WWOX: variants seen among roughly 807,000 people sequenced by gnomAD.
WWOX encodes WW domain containing oxidoreductase.
A neutral mutation model predicts 46.2 loss-of-function variants in WWOX; 69 were observed. The ratio of observed to expected loss-of-function variants is 1.49; its 90% CI spans 1.23 to 1.82. WWOX has a LOEUF of 1.82. Among genes scored for constraint, WWOX ranks in the 40% most tolerant of loss-of-function variants. WWOX has a pLI of 0.00. For missense variants in WWOX, 919 were observed against 542.6 expected, an observed-to-expected ratio of 1.69 and a Z score of -6.89; for synonymous variants, 359 against 202.6, an observed-to-expected ratio of 1.77 and a Z score of -6.56.
intron 8 of WWOX, among the ~76,000 whole-genome samples, chr16:79,123,093 T>C (rs1173632444): frequency 6.6e-6 from 1 of 152,200 alleles, no homozygotes; most frequent in Non-Finnish European, 1.5e-5. Flanking sequence ...TCTGGTCTTG[T>C]AATTTCTGGT....
intron 6 of WWOX, among the ~76,000 whole-genome samples, chr16:78,424,442 AT>A (rs1467023936): frequency 6.6e-6 from 1 of 152,170 alleles, no homozygotes; most frequent in East Asian, 1.9e-4. Flanking sequence ...TTTTAACAGC[AT>A]AATTTTTCCT....
chr16:78,937,187 T>C (rs1441008590), intron 8 of WWOX, among the ~76,000 whole-genome samples: 4 of 152,178 alleles, frequency 2.6e-5, no homozygotes, highest in Admixed American at 6.5e-5. Flanking sequence ...ATATGGATTT[T>C]TGGAGAGGGG....
chr16:79,032,191 A>C (rs1381785362), intron 8 of WWOX, among the ~76,000 whole-genome samples: 1 of 145,930 alleles, frequency 6.9e-6, no homozygotes. Flanking sequence ...GCCCCCACCA[A>C]ATATTTATAT....
At chr16:78,392,434 C>G (rs776267398) in intron 6 of WWOX, among the ~76,000 whole-genome samples, 3 of 152,168 alleles carry the variant, frequency 2.0e-5, no homozygotes, top group East Asian at 1.9e-4. Context: ...AGTTGGATAA[C>G]TATTTCATTA....
At chr16:78,482,938 A>T (rs16947677) in intron 8 of WWOX, among the ~76,000 whole-genome samples, 4,998 of 152,250 alleles carry the variant, frequency 0.033, 143 homozygotes, top group African/African-American at 0.077. Flanking sequence ...CTGTTCGTAG[A>T]AGTGGGCGTC....
intron 5 of WWOX, among the ~76,000 whole-genome samples, chr16:78,314,688 G>GT (rs375905643): frequency 0.22 from 19,798 of 88,280 alleles, 1,848 homozygotes; most frequent in East Asian, 0.39. Flanking sequence ...CCCTGCAGGG[G>GT]TTTTTTTTTT....
intron 8 of WWOX, among the ~76,000 whole-genome samples, chr16:79,003,449 C>G (rs975103375): frequency 2.0e-5 from 3 of 152,196 alleles, no homozygotes; most frequent in Non-Finnish European, 2.9e-5. Flanking sequence ...GTGTACCCCT[C>G]AATTTACTGG....
At chr16:79,073,754 C>G (rs890112017) in intron 8 of WWOX, among the ~76,000 whole-genome samples, 13 of 152,124 alleles carry the variant, frequency 8.5e-5, no homozygotes, top group Admixed American at 5.2e-4. Context: ...TGTCGTATCT[C>G]AGGGCTTCCG....
intron 8 of WWOX, among the ~76,000 whole-genome samples, chr16:79,063,267 C>T (rs1306902839): frequency 6.6e-6 from 1 of 152,200 alleles, no homozygotes; most frequent in Non-Finnish European, 1.5e-5. Context: ...TATGGTTACC[C>T]AGCCCAAGCC....
At chr16:78,701,888 A>G (rs2048225122) in intron 8 of WWOX, among the ~76,000 whole-genome samples, 1 of 151,232 alleles carries the variant, frequency 6.6e-6, no homozygotes, top group East Asian at 2.0e-4. Flanking sequence ...GGCCCCAGTA[A>G]TAAAAGGCAA....
intron 8 of WWOX, among the ~76,000 whole-genome samples, chr16:78,946,702 G>A (rs994196251): frequency 2.6e-5 from 4 of 152,126 alleles, no homozygotes; most frequent in African/African-American, 9.7e-5. Context: ...ACTGTGTGGT[G>A]CGTCTGTTTT....
intron 8 of WWOX, among the ~76,000 whole-genome samples, chr16:78,999,361 T>C (rs2047050525): frequency 6.6e-6 from 1 of 151,996 alleles, no homozygotes; most frequent in Non-Finnish European, 1.5e-5. Context: ...TCCCAGCTAC[T>C]CGAGAGGCTG....
chr16:78,470,618 C>G (rs2667549), intron 8 of WWOX, among the ~76,000 whole-genome samples: 19,788 of 152,178 alleles, frequency 0.13, 2,517 homozygotes, highest in African/African-American at 0.32. Flanking sequence ...AAACCTCCTC[C>G]TCCTGGATTC....
At position 79,167,376 on chromosome 16, in the gene WWOX, G is replaced by A. The variant is rs193218346; in HGVS notation, c.1057-44232G>A. 7.9e-5 allele frequency among the ~76,000 whole-genome samples: 12 copies of A among 152,254 alleles called. No individual in the cohort carries two copies. The East Asian group carries it at 1.7e-3, about 22-fold the overall frequency. Reference sequence around the variant, plus strand: ...GATTATTATATTATTCTTAGTATTTGGTTTTTTTCTGTAGTGTGTAGTTTC... The same window carrying A: ...GATTATTATATTATTCTTAGTATTTAGTTTTTTTCTGTAGTGTGTAGTTTC... On this transcript the variant is annotated intron_variant, in intron 8 of 8. Transcript: ENST00000566780.
chr16:78,215,949 A>T (rs568865358), intron 5 of WWOX, among the ~76,000 whole-genome samples: 53 of 152,052 alleles, frequency 3.5e-4, no homozygotes, highest in African/African-American at 1.2e-3. Flanking sequence ...ACAGATTAAT[A>T]CAATGATCTG....
At chr16:79,067,033 C>G (rs17726745) in intron 8 of WWOX, among the ~76,000 whole-genome samples, 2,250 of 152,194 alleles carry the variant, frequency 0.015, 32 homozygotes, top group Non-Finnish European at 0.023. Context: ...TGAAGGACGG[C>G]TCTGGAAGGG....
intron 8 of WWOX, among the ~76,000 whole-genome samples, chr16:78,831,310 AT>A (rs1210075258): frequency 6.6e-6 from 1 of 152,202 alleles, no homozygotes; most frequent in Non-Finnish European, 1.5e-5. Context: ...GAGGATTGAT[AT>A]CCCCTGAAGT....
chr16:79,047,539 G>A lies in WWOX; in HGVS notation c.1057-164069G>A, dbSNP rs1406570887. On this transcript the variant is annotated intron_variant, in intron 8 of 8. Coordinates refer to ENST00000566780, the MANE Select transcript of WWOX (RefSeq NM_016373.4). ...ATCCTGTCTTGAACTCCCTCTAGGG[G>A]CCACCATGTGTATCAGTGTCCTGTG... 3.9e-5 allele frequency among the ~76,000 whole-genome samples: 6 copies of A among 152,110 alleles called. No homozygotes were observed. In the East Asian group the frequency reaches 1.2e-3, roughly 29 times the overall value.
intron 8 of WWOX, among the ~76,000 whole-genome samples, chr16:78,778,263 G>A (rs2050241004): frequency 6.6e-6 from 1 of 152,196 alleles, no homozygotes; most frequent in East Asian, 1.9e-4. Flanking sequence ...CCTTTGTGGA[G>A]CTCTTGGCAA....
Sources: allele counts gnomAD v4.1 joint callset (sites outside exome capture counted in the v4.1 genomes callset), GRCh38; gene constraint gnomAD v4.1.1; transcripts MANE v1.5; gene names NCBI Gene and HGNC (gene_info 2026-07-23, HGNC 2026-07-21).